The following TMBIM4 variants were observed in gnomAD, a reference collection of about 807,000 sequenced individuals.
TMBIM4 encodes protein lifeguard 4.
Under a neutral mutation model 27.7 loss-of-function variants are expected in TMBIM4, and 28 were observed. The observed-to-expected ratio is 1.01, with a 90% CI of 0.75 to 1.38. TMBIM4 has a LOEUF of 1.38. Ranked by LOEUF, TMBIM4 falls within the 40% of genes most tolerant of loss-of-function variation. The pLI is 0.00. For missense variants in TMBIM4, 265 were observed against 277.5 expected (o/e 0.95, Z 0.32); for synonymous variants, 115 against 113.1 (o/e 1.02, Z -0.11).
At chr12:66,142,612 G>T (rs1428511645) in intron 5 of TMBIM4, among the ~76,000 whole-genome samples, 1 of 151,924 alleles carries the variant, frequency 6.6e-6, no homozygotes, top group South Asian at 2.1e-4. Flanking sequence ...AGGGAAGCAA[G>T]TCTTTTTTAT....
intron 3 of TMBIM4, among the ~76,000 whole-genome samples, chr12:66,151,857 A>G (rs2051850154): frequency 6.6e-6 from 1 of 152,234 alleles, no homozygotes; most frequent in Non-Finnish European, 1.5e-5. Context: ...AGTTAACAAT[A>G]AAGAATTTGA....
At chr12:66,169,558 A>C in intron 1 of TMBIM4, 1 of 482,204 alleles carries the variant, frequency 2.1e-6, no homozygotes, top group East Asian at 3.5e-5. Flanking sequence ...GGCGGTTTCC[A>C]TCTGTCCCTT....
chr12:66,162,647 T>A (rs192569039), intron 1 of TMBIM4, among the ~76,000 whole-genome samples: 1 of 152,356 alleles, frequency 6.6e-6, no homozygotes, highest in Admixed American at 6.5e-5. Context: ...CTAGTGCCAA[T>A]GAAGGTTCTT....
intron 3 of TMBIM4, 56 bp downstream of exon 3, chr12:66,152,215 T>C: frequency 9.0e-7 from 1 of 1,105,060 alleles, no homozygotes. Flanking sequence ...TATATATGCA[T>C]TTATTTAAAA....
intron 4 of TMBIM4, among the ~76,000 whole-genome samples, chr12:66,147,581 C>T (rs1186074687): frequency 6.6e-6 from 1 of 152,170 alleles, no homozygotes; most frequent in Non-Finnish European, 1.5e-5. Flanking sequence ...GTACGTGGCT[C>T]AGAACACATG....
chr12:66,141,874 T>C (rs1203937495), intron 5 of TMBIM4, among the ~76,000 whole-genome samples: 1 of 152,166 alleles, frequency 6.6e-6, no homozygotes, highest in Admixed American at 6.5e-5. Flanking sequence ...GACCAATCCA[T>C]ACTTGTAGTT....
intron 1 of TMBIM4, among the ~76,000 whole-genome samples, chr12:66,165,548 G>C (rs2052112050): frequency 6.6e-6 from 1 of 151,850 alleles, no homozygotes; most frequent in African/African-American, 2.4e-5. Context: ...CTCCAAAAGT[G>C]TTAGGATTAC....
chr12:66,168,654 T>G (rs992859452), intron 1 of TMBIM4: 1 of 152,352 alleles, frequency 6.6e-6, no homozygotes, highest in Non-Finnish European at 1.5e-5. Context: ...CAATCAACTC[T>G]TTCTGTACCT....
At chr12:66,166,464 C>CAAAAAAAAAAAAAAAAAAAA (rs59822799) in intron 1 of TMBIM4, among the ~76,000 whole-genome samples, 14 of 100,692 alleles carry the variant, frequency 1.4e-4, no homozygotes, top group African/African-American at 4.5e-4. Flanking sequence ...TACTTTGTCT[C>CAAAAAAAAAAAAAAAAAAAA]AAAAAAAAAA....
intron 5 of TMBIM4, 159 bp from the exon 6 acceptor site, chr12:66,138,928 T>A (rs186319899): frequency 9.4e-7 from 1 of 1,067,904 alleles, no homozygotes; most frequent in African/African-American, 1.7e-5. Flanking sequence ...ATAATGCCCA[T>A]CTTGGATCTT....
chr12:66,142,019 C>T (rs1003712321), intron 5 of TMBIM4, among the ~76,000 whole-genome samples: 2 of 152,088 alleles, frequency 1.3e-5, no homozygotes, highest in African/African-American at 4.8e-5. Flanking sequence ...CAGCAAAATA[C>T]ACATTCTTGT....
rs147052973 is a variant in TMBIM4, at chr12:66,155,182, C to T, written c.98-1734G>A. Among the ~76,000 whole-genome samples the T allele has an allele frequency of 7.9e-5, 12 of 152,252 alleles. No individual in the cohort carries two copies. The East Asian group carries it at 2.3e-3, about 29-fold the overall frequency. Reference sequence around the variant, plus strand: ...TATTAAACCAAAGGTCAAGCCATTACACCTGCAAGGGATTTTCTGGGCTAT... The same window carrying T: ...TATTAAACCAAAGGTCAAGCCATTATACCTGCAAGGGATTTTCTGGGCTAT... On this transcript the variant is annotated intron_variant, in intron 1 of 6. Transcript: ENST00000358230.
At chr12:66,139,658 A>G (rs2051634917) in intron 5 of TMBIM4, 1 of 455,958 alleles carries the variant, frequency 2.2e-6, no homozygotes, top group South Asian at 1.5e-5. Flanking sequence ...AGGGCAGAAT[A>G]TCAGAAAGAA....
At chr12:66,156,786 T>C (rs1281039371) in intron 1 of TMBIM4, among the ~76,000 whole-genome samples, 2 of 152,180 alleles carry the variant, frequency 1.3e-5, no homozygotes, top group Non-Finnish European at 2.9e-5. Flanking sequence ...GCACTTGCTC[T>C]TTCCTCTACT....
chr12:66,159,719 C>T (rs1293843037), intron 1 of TMBIM4, among the ~76,000 whole-genome samples: 1 of 152,176 alleles, frequency 6.6e-6, no homozygotes, highest in African/African-American at 2.4e-5. Flanking sequence ...AAATAGCTGC[C>T]ACCCTAAACG....
intron 1 of TMBIM4, among the ~76,000 whole-genome samples, chr12:66,165,128 C>A (rs1357959437): frequency 6.6e-6 from 1 of 151,996 alleles, no homozygotes; most frequent in Non-Finnish European, 1.5e-5. Flanking sequence ...TTCATACTAC[C>A]CAAAGTAACC....
At chr12:66,168,865 C>A in intron 1 of TMBIM4, 1 of 174,186 alleles carries the variant, frequency 5.7e-6, no homozygotes, top group Non-Finnish European at 1.2e-5. Flanking sequence ...TAACTTAACA[C>A]TACTGAACTA....
chr12:66,143,626 A>G (rs981339372), intron 5 of TMBIM4, among the ~76,000 whole-genome samples: 1 of 152,188 alleles, frequency 6.6e-6, no homozygotes, highest in Non-Finnish European at 1.5e-5. Flanking sequence ...ACCACAGGAT[A>G]ATGATGTTGT....
intron 4 of TMBIM4, 78 bp from the exon 5 acceptor site, chr12:66,146,036 A>G (rs2051746731): frequency 1.4e-6 from 1 of 701,668 alleles, no homozygotes; most frequent in Non-Finnish European, 2.4e-6. Flanking sequence ...TTTTATAGAA[A>G]TGCTTCATTT....
Sources: gnomAD v4.1 joint callset for allele counts (sites outside exome capture counted in the v4.1 genomes callset) on GRCh38, gnomAD v4.1.1 for gene constraint, MANE v1.5 for transcripts, NCBI Gene and HGNC (gene_info 2026-07-23, HGNC 2026-07-21) for gene names.